CRMP1: variants seen among roughly 807,000 people sequenced by gnomAD.
CRMP1 encodes the protein collapsin response mediator protein 1, also known as dihydropyrimidinase-related protein 1.
CRMP1 carries 19 observed loss-of-function variants against 68.3 expected under a neutral mutation model. The observed-to-expected ratio is 0.28, with a 90% CI of 0.19 to 0.41. The LOEUF (loss-of-function observed/expected upper bound fraction) is 0.41, where lower values mean the gene tolerates loss of function less well. Ranked by LOEUF, CRMP1 falls within the 10% of genes least tolerant of loss-of-function variation. The probability of loss-of-function intolerance (pLI) is 1.00; values close to 1 mark genes in which losing one functional copy is unlikely to be tolerated. For missense variants in CRMP1, 791 were observed against 967.4 expected (o/e 0.82, Z 2.42); for synonymous variants, 439 against 399.6 (o/e 1.10, Z -1.18).
At chr4:5,880,965 C>A (rs1715184766) in intron 1 of CRMP1, among the ~76,000 whole-genome samples, 1 of 152,164 alleles carries the variant, frequency 6.6e-6, no homozygotes, top group South Asian at 2.1e-4. Flanking sequence ...TTCCAAGTAT[C>A]CATGGTCAAG....
intron 4 of CRMP1, 82 bp from the exon 5 acceptor site, chr4:5,851,551 G>C: frequency 7.3e-7 from 1 of 1,374,680 alleles, no homozygotes. Flanking sequence ...TGACCACAGA[G>C]CAGAGTGGTA....
Position 5,825,539 on chromosome 4 carries a change from G to A in CRMP1, c.1924C>T (p.Pro642Ser). ...TGGTGGAGGTTTCTGATGGGTGGGG[G>A]CTGGTGTTTAGAAGGCGAAGATTTG... ...SAKSSPSKHQ[P>S]PPIRNLHQSN... is the part of the protein sequence containing the mutation. The change falls in exon 13 of 14, where the codon CCC (proline) becomes TCC (serine). Residue 642 changes from proline to serine, a missense_variant. Physicochemically the swap from Pro to Ser is moderately conservative, Grantham distance 74. Transcript: ENST00000324989. This position sits in a 1 kb window ranked among gnomAD's most constrained non-coding sequence, Gnocchi z 4.4. 6.3e-7 allele frequency: 1 copy of A among 1,593,232 alleles called. No individual in the cohort carries two copies. Among genetic ancestry groups the A allele is most frequent in the Non-Finnish European group, 8.5e-7 (1 of 1,172,716 alleles).
At chr4:5,836,662 T>C (rs1016452438) in intron 10 of CRMP1, 103 bp downstream of exon 10, 17 of 1,550,838 alleles carry the variant, frequency 1.1e-5, no homozygotes, top group African/African-American at 1.4e-5. Context: ...TCCGCCTCCA[T>C]GTAAGAAGGG....
rs1016567694 is a variant in CRMP1 at position 5,865,167 on chromosome 4, A to G, written c.470+1501T>C. Among the ~76,000 whole-genome samples the G allele has an allele frequency of 3.9e-5, 6 of 151,946 alleles. No homozygotes were observed. Among genetic ancestry groups the G allele is most frequent in the African/African-American group, 1.2e-4 (5 of 41,412 alleles). On this transcript the variant is annotated intron_variant, in intron 2 of 13. Coordinates refer to ENST00000324989, the MANE Select transcript of CRMP1 (RefSeq NM_001014809.3). The surrounding 1 kb of genome is among the most constrained non-coding windows in gnomAD (Gnocchi z 4.1). ...CCCTTTCTGCCTTCCCCTTGCTCCAATTCCCCTCTGCCTTTCCTTCTTGTG... is the reference window on the plus strand; with the variant it reads ...CCCTTTCTGCCTTCCCCTTGCTCCAGTTCCCCTCTGCCTTTCCTTCTTGTG...
Position 5,843,890 on chromosome 4 carries a change from T to C in CRMP1, c.964-729A>G, listed in dbSNP as rs16837733. 0.3 allele frequency among the ~76,000 whole-genome samples: 45,803 copies of C among 151,954 alleles called. 7,734 individuals are homozygous for C. The highest frequency in any genetic ancestry group is 0.46 in the African/African-American group (19,179 of 41,400). The stretch of plus-strand genomic sequence containing the variant: ...ATCATATAACCTTGAAATGGTTCCC[T>C]GGGCTGATGGCCTAGATTCAAATCC... On this transcript the variant is annotated intron_variant, in intron 6 of 13. Coordinates refer to ENST00000324989, the MANE Select transcript of CRMP1 (RefSeq NM_001014809.3). The surrounding 1 kb of genome is among the most constrained non-coding windows in gnomAD (Gnocchi z 4.1).
At chr4:5,829,809 C>T (rs1720225999) in intron 11 of CRMP1, among the ~76,000 whole-genome samples, 1 of 152,214 alleles carries the variant, frequency 6.6e-6, no homozygotes, top group African/African-American at 2.4e-5. Flanking sequence ...ACAGTTGGGT[C>T]ATTACCATGC....
At chr4:5,874,206 T>C (rs542882656) in intron 1 of CRMP1, among the ~76,000 whole-genome samples, 1 of 152,336 alleles carries the variant, frequency 6.6e-6, no homozygotes. Flanking sequence ...CAGAATTAAT[T>C]ACAATGGTAT....
intron 1 of CRMP1, among the ~76,000 whole-genome samples, chr4:5,871,290 C>T (rs1460226645): frequency 1.3e-5 from 2 of 152,160 alleles, no homozygotes; most frequent in Non-Finnish European, 2.9e-5. Flanking sequence ...AAGCCATGTG[C>T]TTCAGAACTC....
In CRMP1 at chr4:5,842,648, T is replaced by TCA. The variant is rs1227355429; in HGVS notation, c.1032+444_1032+445insTG. On this transcript the variant is annotated intron_variant, in intron 7 of 13. Transcript: ENST00000324989. The surrounding 1 kb of genome is among the most constrained non-coding windows in gnomAD (Gnocchi z 4.5). Reference sequence around the variant, plus strand: ...CACACACACACACACGCACTGTCTCTCTCACACACACACACTAACATACAC... The same window carrying TCA: ...CACACACACACACACGCACTGTCTCTCACTCACACACACACACTAACATACAC... Among the ~76,000 whole-genome samples, 34 of 147,830 alleles carry TCA rather than the reference T, an allele frequency of 2.3e-4. No homozygotes were observed. The highest frequency in any genetic ancestry group is 8.2e-4 in the African/African-American group (33 of 40,380).
At chr4:5,868,270 TATATATATATATATATATATATATA>T (rs1714154976) in intron 1 of CRMP1, among the ~76,000 whole-genome samples, 1 of 17,664 alleles carries the variant, frequency 5.7e-5, no homozygotes, top group African/African-American at 1.6e-4. Context: ...TCTATATATA[TATATATATATATATATATATATATA>T]TATATATACA....
In CRMP1 at chr4:5,892,884, C is replaced by A; in HGVS notation, c.86G>T (p.Arg29Leu). 7.1e-7 allele frequency: 1 copy of A among 1,409,824 alleles called. No individual in the cohort carries two copies. The highest frequency in any genetic ancestry group is 1.4e-5 in the South Asian group (1 of 72,196). The allele number at this position is 1,409,824 out of a possible 1,614,324, so 87.3% of individuals were successfully genotyped here. ...ARPGSAAQTP[R>L]QKYGGMFAAV... ...GGCGAACATGCCGCCGTACTTCTGG[C>A]GCGGGGTCTGCGCCGCGCTGCCCGG... Residue 29 changes from arginine (R) to leucine (L), a missense_variant, in exon 1 of 14, where the codon CGC becomes CTC. Around this residue, in one of 3 missense-constraint regions of CRMP1, gnomAD observed 193 missense variants for 186.3 expected, o/e 1.04. Transcript: ENST00000324989. This position sits in a 1 kb window ranked among gnomAD's most constrained non-coding sequence, Gnocchi z 8.6.
In CRMP1 at chr4:5,849,490, G is replaced by A. The variant is rs753217855; in HGVS notation, c.883-18C>T. 1 of 1,569,064 alleles carries A rather than the reference G, an allele frequency of 6.4e-7. No individual in the cohort carries two copies. Among genetic ancestry groups the A allele is most frequent in the African/African-American group, 1.4e-5 (1 of 72,920 alleles). Reference sequence around the variant, plus strand: ...TCATAGAGCTATGGAGAGATAAACAGGGGTTGGTGTGAGATTTAAAAAAAA... The same window carrying A: ...TCATAGAGCTATGGAGAGATAAACAAGGGTTGGTGTGAGATTTAAAAAAAA... On this transcript the variant is annotated intron_variant, in intron 5 of 13. Coordinates refer to ENST00000324989, the MANE Select transcript of CRMP1 (RefSeq NM_001014809.3).
rs560466349 is a variant in CRMP1 at position 5,853,530 on chromosome 4, C to T, written c.821-2061G>A. Among the ~76,000 whole-genome samples the T allele has an allele frequency of 6.6e-5, 10 of 152,276 alleles. No individual in the cohort carries two copies. In the South Asian group the frequency reaches 8.3e-4, roughly 13 times the overall value. ...ACAGCCACCTCTATGGGGAACAGTACGGAGGCTCCTCACAAAACTAAGAAC... is the reference window on the plus strand; with the variant it reads ...ACAGCCACCTCTATGGGGAACAGTATGGAGGCTCCTCACAAAACTAAGAAC... On this transcript the variant is annotated intron_variant, in intron 4 of 13. Transcript: ENST00000324989. This position sits in a 1 kb window ranked among gnomAD's most constrained non-coding sequence, Gnocchi z 4.7.
At position 5,841,464 on chromosome 4, in the gene CRMP1, G is replaced by C. The variant is rs550541495; in HGVS notation, c.1033-36C>G. The stretch of plus-strand genomic sequence containing the variant: ...CACACACAGTGTCACAGGAGGGAAG[G>C]CTGGTGTAACAGCTACCACCCATCT... On this transcript the variant is annotated intron_variant, in intron 7 of 13. Transcript: ENST00000324989. The surrounding 1 kb of genome is among the most constrained non-coding windows in gnomAD (Gnocchi z 6.9). The C allele has an allele frequency of 8.1e-6, 13 of 1,611,500 alleles. No homozygotes were observed. In the East Asian group the frequency reaches 1.8e-4, roughly 22 times the overall value.
At chr4:5,867,301 C>A (rs970331170) in intron 1 of CRMP1, among the ~76,000 whole-genome samples, 1 of 152,186 alleles carries the variant, frequency 6.6e-6, no homozygotes, top group Non-Finnish European at 1.5e-5. Flanking sequence ...AGCACACCTG[C>A]CTCATCATCT....
At chr4:5,887,561 G>A (rs1205950916) in intron 1 of CRMP1, 1 of 985,072 alleles carries the variant, frequency 1.0e-6, no homozygotes, top group Non-Finnish European at 1.2e-6. Context: ...GACGCAGCCC[G>A]GCTGTTCTGC....
In CRMP1 at chr4:5,822,502, G is replaced by T. The variant is rs566000824; in HGVS notation, c.1970-651C>A. Reference sequence around the variant, plus strand: ...CGATAGGTGGATCTGAAGGGGGGGGGGGTGGTGTGCAGAGGTTCTTAATTT... The same window carrying T: ...CGATAGGTGGATCTGAAGGGGGGGGTGGTGGTGTGCAGAGGTTCTTAATTT... On this transcript the variant is annotated intron_variant, in intron 13 of 13. Transcript: ENST00000324989. 2.3e-4 allele frequency among the ~76,000 whole-genome samples: 35 copies of T among 149,730 alleles called. 1 individual carries two copies. Among genetic ancestry groups the T allele is most frequent in the South Asian group, 8.5e-4 (4 of 4,696 alleles).
chr4:5,878,417 C>T (rs935235666), intron 1 of CRMP1, among the ~76,000 whole-genome samples: 2 of 152,114 alleles, frequency 1.3e-5, no homozygotes, highest in South Asian at 2.1e-4. Flanking sequence ...ACACGATTAT[C>T]GTGAATGTGG....
rs1210509076 is a variant in CRMP1, at chr4:5,891,376, C to T, written c.381+1213G>A. ...CAGGAAGCCCTCCCAGATATCTGCCCCGATCAAGCTCTGCTTCCCTCCAGG... is the reference window on the plus strand; with the variant it reads ...CAGGAAGCCCTCCCAGATATCTGCCTCGATCAAGCTCTGCTTCCCTCCAGG... On this transcript the variant is annotated intron_variant, in intron 1 of 13. Coordinates refer to ENST00000324989, the MANE Select transcript of CRMP1 (RefSeq NM_001014809.3). The surrounding 1 kb of genome is among the most constrained non-coding windows in gnomAD (Gnocchi z 5.2). 6.6e-6 allele frequency among the ~76,000 whole-genome samples: 1 copy of T among 152,152 alleles called. No homozygotes were observed. Among genetic ancestry groups the T allele is most frequent in the South Asian group, 2.1e-4 (1 of 4,818 alleles).
Sources: allele counts gnomAD v4.1 joint callset (sites outside exome capture counted in the v4.1 genomes callset), GRCh38; gene constraint gnomAD v4.1.1; regional missense constraint gnomAD v4.1.1; non-coding constraint Gnocchi (gnomAD v3.1); transcripts MANE v1.5; gene names NCBI Gene and HGNC (gene_info 2026-07-23, HGNC 2026-07-21).